RLF: variants seen among roughly 807,000 people sequenced by gnomAD.
RLF encodes RLF zinc finger.
Under a neutral mutation model 162.9 loss-of-function variants are expected in RLF, and 7 were observed. The ratio of observed to expected loss-of-function variants is 0.04; its 90% CI spans 0.02 to 0.08. RLF has a LOEUF of 0.08. Ranked by LOEUF, RLF falls within the 10% of genes least tolerant of loss-of-function variation. The pLI, the probability that RLF is intolerant of heterozygous loss-of-function variation, is 1.00. For missense variants in RLF, 1,664 were observed against 2,244.7 expected (o/e 0.74, Z 5.23); for synonymous variants, 782 against 791.5 (o/e 0.99, Z 0.20).
chr1:40,229,448 C>CTTTTTTTTTTTTTTTTTTTTTTTTTTTTT (rs1005418216), intron 6 of RLF, among the ~76,000 whole-genome samples: 2 of 90,980 alleles, frequency 2.2e-5, no homozygotes, highest in Non-Finnish European at 4.2e-5. Flanking sequence ...ATTCATTTAT[C>CTTTTTTTTTTTTTTTTTTTTTTTTTTTTT]TTTTTTTTTT....
intron 7 of RLF, among the ~76,000 whole-genome samples, chr1:40,233,288 G>A (rs911877489): frequency 6.6e-6 from 1 of 151,912 alleles, no homozygotes; most frequent in Non-Finnish European, 1.5e-5. Flanking sequence ...TGGCATATCT[G>A]TTCAGAATAT....
Position 40,222,603 on chromosome 1 carries a change from A to C in RLF, c.840A>C (p.Leu280=), listed in dbSNP as rs1442761108. ...EIAKVDCKEV[L]DIICNLESEG... ...CAAAGGTCGACTGCAAGGAAGTACTAGACATCATTTGTAATCTGGAATCTG... is the reference window on the plus strand; with the variant it reads ...CAAAGGTCGACTGCAAGGAAGTACTCGACATCATTTGTAATCTGGAATCTG... Residue 280 remains leucine (L), a synonymous_variant, in exon 6 of 8, where the codon CTA becomes CTC. Coordinates refer to ENST00000372771, the MANE Select transcript of RLF (RefSeq NM_012421.4). The C allele has an allele frequency of 6.2e-6, 10 of 1,613,480 alleles. No homozygotes were observed. The highest frequency in any genetic ancestry group is 6.8e-6 in the Non-Finnish European group (8 of 1,179,778).
In RLF at chr1:40,240,018, A is replaced by G; in HGVS notation, c.5316A>G (p.Ser1772=). Residue 1772 remains serine, a synonymous_variant, in exon 8 of 8, where the codon TCA becomes TCG. Coordinates refer to ENST00000372771, the MANE Select transcript of RLF (RefSeq NM_012421.4). ...KTYKPMGFES[S]FLKFIQESEE... ...ACAAACCTATGGGATTTGAATCTTC[A>G]TTTCTGAAATTTATTCAGGAAAGTG... 1 of 1,614,090 alleles carries G rather than the reference A, an allele frequency of 6.2e-7. No individual in the cohort carries two copies. Among genetic ancestry groups the G allele is most frequent in the Admixed American group, 1.7e-5 (1 of 60,024 alleles).
chr1:40,202,357 G>A, intron 4 of RLF, 55 bp from the exon 5 acceptor site: 1 of 1,136,530 alleles, frequency 8.8e-7, no homozygotes, highest in Non-Finnish European at 1.3e-6. Flanking sequence ...ATCTTAGCAA[G>A]TCTGACATGT....
chr1:40,219,401 A>G (rs1008805633), intron 5 of RLF, among the ~76,000 whole-genome samples: 1 of 152,182 alleles, frequency 6.6e-6, no homozygotes, highest in Non-Finnish European at 1.5e-5. Flanking sequence ...CAAGGGATTT[A>G]GAGTCTATAA....
chr1:40,192,641 A>G (rs1194137849), intron 3 of RLF, among the ~76,000 whole-genome samples: 2 of 152,102 alleles, frequency 1.3e-5, no homozygotes, highest in Admixed American at 6.6e-5. Context: ...GATGTGTAGG[A>G]TATATTTTTT....
At position 40,198,209 on chromosome 1, in the gene RLF, GTC is replaced by G. The variant is rs1184499368; in HGVS notation, c.607+2446_607+2447del. ...GTAGAGATGGGGTTTCTCCATGTTG[GTC>G]AGGCTGGTCTCGAACTCCTGACCTC... On this transcript the variant is annotated intron_variant, in intron 4 of 7. Transcript: ENST00000372771. 8.6e-5 allele frequency among the ~76,000 whole-genome samples: 13 copies of G among 150,626 alleles called. 1 individual carries two copies. Among genetic ancestry groups the G allele is most frequent in the East Asian group, 3.9e-4 (2 of 5,100 alleles).
chr1:40,205,734 G>A (rs377181720), intron 5 of RLF, among the ~76,000 whole-genome samples: 2 of 152,000 alleles, frequency 1.3e-5, no homozygotes, highest in Admixed American at 6.6e-5. Context: ...CTCGTGATCC[G>A]CTCGCCTCTG....
intron 6 of RLF, among the ~76,000 whole-genome samples, chr1:40,226,144 A>G (rs1643069468): frequency 6.6e-6 from 1 of 152,198 alleles, no homozygotes; most frequent in African/African-American, 2.4e-5. Context: ...TACAAACCAC[A>G]GTAAAAAGTA....
rs150234656 is a variant in RLF, at chr1:40,228,591, A to G, written c.948-2926A>G. Among the ~76,000 whole-genome samples the G allele has an allele frequency of 6.6e-5, 10 of 152,156 alleles. No homozygotes were observed. The East Asian group carries it at 1.9e-3, about 29-fold the overall frequency. On this transcript the variant is annotated intron_variant, in intron 6 of 7. Coordinates refer to ENST00000372771, the MANE Select transcript of RLF (RefSeq NM_012421.4). ...GCGTGGACTCCATCTCAAAAAAAAA[A>G]AAAAATTATTTGAGACACCTTAGTT...
Position 40,236,511 on chromosome 1 carries a change from G to A in RLF, c.1809G>A (p.Glu603=). 1 of 1,613,824 alleles carries A rather than the reference G, an allele frequency of 6.2e-7. No homozygotes were observed. The highest frequency in any genetic ancestry group is 8.5e-7 in the Non-Finnish European group (1 of 1,179,938). ...RKEMFVPHVM[E]HVKMPPSRRD... is the part of the protein sequence containing the mutation. ...AAATGTTTGTTCCTCATGTGATGGA[G>A]CATGTTAAAATGCCACCAAGCAGAA... Residue 603 remains glutamate, a synonymous_variant, in exon 8 of 8, where the codon GAG becomes GAA. Coordinates refer to ENST00000372771, the MANE Select transcript of RLF (RefSeq NM_012421.4). This position sits in a 1 kb window ranked among gnomAD's most constrained non-coding sequence, Gnocchi z 7.7.
chr1:40,170,739 G>C (rs1372522924), intron 1 of RLF, among the ~76,000 whole-genome samples: 1 of 152,132 alleles, frequency 6.6e-6, no homozygotes, highest in Non-Finnish European at 1.5e-5. Context: ...ATGTGTATTT[G>C]TTACATATGA....
intron 5 of RLF, among the ~76,000 whole-genome samples, chr1:40,219,450 A>T (rs551635642): frequency 2.0e-5 from 3 of 152,182 alleles, no homozygotes; most frequent in Admixed American, 1.3e-4. Flanking sequence ...CTCTGGCTTC[A>T]GTTTTTCTCA....
intron 6 of RLF, among the ~76,000 whole-genome samples, chr1:40,229,556 G>A (rs971069330): frequency 7.5e-5 from 11 of 145,752 alleles, no homozygotes; most frequent in African/African-American, 2.8e-4. Flanking sequence ...CCGGGTTCAA[G>A]CAATTCTCCT....
intron 5 of RLF, among the ~76,000 whole-genome samples, chr1:40,221,919 GAGAA>G (rs1171396929): frequency 1.8e-5 from 2 of 112,606 alleles, no homozygotes; most frequent in South Asian, 2.6e-4. Context: ...AAAAAAAAAA[GAGAA>G]AGGAAAGGAG....
chr1:40,168,953 G>A (rs4660392), intron 1 of RLF, among the ~76,000 whole-genome samples: 151,481 of 152,240 alleles, frequency 1, 75,372 homozygotes, highest in Non-Finnish European at 1. Flanking sequence ...AAATCATGCC[G>A]TTGCACTCCA....
At chr1:40,217,641 G>A (rs867715878) in intron 5 of RLF, among the ~76,000 whole-genome samples, 2 of 151,922 alleles carry the variant, frequency 1.3e-5, no homozygotes, top group Admixed American at 6.6e-5. Context: ...GCGCGGGAGC[G>A]TACGCCTGTA....
At position 40,231,615 on chromosome 1, in the gene RLF, C is replaced by T. The variant is rs557228847; in HGVS notation, c.1046C>T (p.Thr349Met). ...RCRQFGVIAK[T>M]QQHLFCLIRV... ...CGTCAGTTTGGTGTCATAGCTAAAA[C>T]GCAGCAGCATTTATTTTGCCTCATT... The change falls in exon 7 of 8, where the codon ACG (threonine) becomes ATG (methionine). Residue 349 changes from threonine (T) to methionine (M), a missense_variant. Physicochemically the swap from Thr to Met is moderately conservative, Grantham distance 81. Transcript: ENST00000372771. 1.9e-5 allele frequency: 30 copies of T among 1,613,864 alleles called. No individual in the cohort carries two copies. Among genetic ancestry groups the T allele is most frequent in the African/African-American group, 1.1e-4 (8 of 75,028 alleles).
chr1:40,218,972 A>G (rs1425548031), intron 5 of RLF, among the ~76,000 whole-genome samples: 2 of 151,360 alleles, frequency 1.3e-5, no homozygotes, highest in Non-Finnish European at 2.9e-5. Flanking sequence ...TTTAAGAACA[A>G]AAAATTGTTT....
Sources: gnomAD v4.1 joint callset for allele counts (sites outside exome capture counted in the v4.1 genomes callset) on GRCh38, gnomAD v4.1.1 for gene constraint, Gnocchi (gnomAD v3.1) non-coding constraint, MANE v1.5 for transcripts, NCBI Gene and HGNC (gene_info 2026-07-23, HGNC 2026-07-21) for gene names.